POPDC2: variants seen among roughly 807,000 people sequenced by gnomAD.
The protein encoded by POPDC2 is popeye domain cAMP effector 2, also known as popeye domain-containing protein 2.
POPDC2 carries 24 observed loss-of-function variants against 30.5 expected under a neutral mutation model. That is an observed-to-expected ratio of 0.79 (90% confidence interval 0.57 to 1.11). The LOEUF is 1.11. POPDC2 is among the 50% of genes least tolerant of loss of function. The pLI is 0.00. For missense variants in POPDC2, 409 were observed against 447.0 expected (o/e 0.91, Z 0.77); for synonymous variants, 185 against 183.3 (o/e 1.01, Z -0.07).
At chr3:119,658,888 G>T (rs1219041778) in intron 1 of POPDC2, among the ~76,000 whole-genome samples, 8 of 148,156 alleles carry the variant, frequency 5.4e-5, no homozygotes, top group African/African-American at 2.0e-4. Context: ...TTTCTCCATT[G>T]TGTGGTTGGC....
chr3:119,654,997 T>C (rs1282841033), intron 1 of POPDC2, among the ~76,000 whole-genome samples: 1 of 152,164 alleles, frequency 6.6e-6, no homozygotes, highest in Non-Finnish European at 1.5e-5. Context: ...CCCCAGTGAT[T>C]CTAATGTGTA....
At position 119,660,142 on chromosome 3, in the gene POPDC2, G is replaced by A; in HGVS notation, c.282C>T (p.His94=). 2 of 1,614,182 alleles carry A rather than the reference G, an allele frequency of 1.2e-6. No homozygotes were observed. Among genetic ancestry groups the A allele is most frequent in the Non-Finnish European group, 1.7e-6 (2 of 1,180,032 alleles). Residue 94 remains histidine, a synonymous_variant, in exon 1 of 4, where the codon CAC becomes CAT. Coordinates refer to ENST00000493094, the MANE Select transcript of POPDC2 (RefSeq NM_001369919.2). The part of the protein sequence containing the change: ...LAVVCLLQLA[H]LVYRLREDTL... ...TGTCCTCACGCAGGCGGTATACCAGGTGTGCCAGCTGGAGCAGGCAGACCA... is the reference window on the plus strand; with the variant it reads ...TGTCCTCACGCAGGCGGTATACCAGATGTGCCAGCTGGAGCAGGCAGACCA...
chr3:119,653,808 C>T (rs1445773031), intron 2 of POPDC2, among the ~76,000 whole-genome samples: 12 of 152,154 alleles, frequency 7.9e-5, no homozygotes, highest in Admixed American at 7.9e-4. Flanking sequence ...TGCTGTGCTC[C>T]AGGTACTTTC....
At chr3:119,654,408 C>T (rs1044754259) in intron 2 of POPDC2, 97 bp downstream of exon 2, 17 of 831,120 alleles carry the variant, frequency 2.0e-5, no homozygotes, top group African/African-American at 1.7e-4. Flanking sequence ...GGCAGGGGTG[C>T]GAAGGACAGA....
intron 2 of POPDC2, among the ~76,000 whole-genome samples, chr3:119,649,658 A>C (rs1452833457): frequency 6.6e-6 from 1 of 152,224 alleles, no homozygotes; most frequent in African/African-American, 2.4e-5. Context: ...TGATGTTAGC[A>C]GCTAATATTT....
Position 119,660,441 on chromosome 3 carries a change from G to C in POPDC2, c.-18C>G. On this transcript the variant is annotated 5_prime_UTR_variant, in exon 1 of 4. Transcript: ENST00000493094. ...GCGCTCATCTTTGGGGCCTCTCAAA[G>C]CCTCACTGGGCTCTAATACTGTCCT... is the stretch of plus-strand genomic sequence containing the variant. 6.2e-7 allele frequency: 1 copy of C among 1,601,922 alleles called. No homozygotes were observed. The highest frequency in any genetic ancestry group is 8.5e-7 in the Non-Finnish European group (1 of 1,173,190).
At chr3:119,646,407 G>A (rs2052746898) in intron 3 of POPDC2, among the ~76,000 whole-genome samples, 1 of 152,124 alleles carries the variant, frequency 6.6e-6, no homozygotes, top group Admixed American at 6.5e-5. Context: ...AAGGCAGGAG[G>A]ATTATTTGAG....
In POPDC2 at chr3:119,653,351, T is replaced by C. The variant is rs554287330; in HGVS notation, c.600+1154A>G. Among the ~76,000 whole-genome samples the C allele has an allele frequency of 5.5e-3, 832 of 152,272 alleles. 5 individuals carry two copies. Among genetic ancestry groups the C allele is most frequent in the Non-Finnish European group, 7.2e-3 (490 of 68,012 alleles). On this transcript the variant is annotated intron_variant, in intron 2 of 3. Coordinates refer to ENST00000493094, the MANE Select transcript of POPDC2 (RefSeq NM_001369919.2). The stretch of plus-strand genomic sequence containing the variant: ...AGCTACAAAGAAAGTGACCAAAGCC[T>C]GAGGGATTGGCAGAGATAAGAAGAG...
intron 1 of POPDC2, among the ~76,000 whole-genome samples, chr3:119,655,939 A>G (rs577683525): frequency 6.6e-6 from 1 of 152,158 alleles, no homozygotes; most frequent in African/African-American, 2.4e-5. Context: ...GATCCCATGC[A>G]CCCTATCCAG....
rs756790161 is a variant in POPDC2 at position 119,654,508 on chromosome 3, G to A, written c.597C>T (p.Phe199=). 9 of 1,608,786 alleles carry A rather than the reference G, an allele frequency of 5.6e-6. No homozygotes were observed. The highest frequency in any genetic ancestry group is 3.3e-5 in the South Asian group (3 of 90,968). Residue 199 remains phenylalanine (F), a synonymous_variant, in exon 2 of 4, where the codon TTC becomes TTT. Coordinates refer to ENST00000493094, the MANE Select transcript of POPDC2 (RefSeq NM_001369919.2). The stretch of plus-strand genomic sequence containing the variant: ...CTGCCACCAGGCTCCCTGTTACCTG[G>A]AACACCCCCTCCTCAGAAGGCTGTA... ...ESLQPSEEGV[F]QVTLTAETSC...
At chr3:119,658,544 C>T (rs2052904036) in intron 1 of POPDC2, among the ~76,000 whole-genome samples, 1 of 152,224 alleles carries the variant, frequency 6.6e-6, no homozygotes, top group Admixed American at 6.5e-5. Flanking sequence ...GCTATAACAT[C>T]ATGGGTCTCA....
Position 119,648,818 on chromosome 3 carries a change from G to T in POPDC2, c.601-150C>A, listed in dbSNP as rs79649835. 4.4e-4 allele frequency: 300 copies of T among 687,252 alleles called. 1 individual carries two copies. In the African/African-American group the frequency reaches 5.0e-3, roughly 12 times the overall value. The allele number at this position is 687,252 out of a possible 1,614,324, so 42.6% of individuals were successfully genotyped here. A position where few individuals can be genotyped will look rare whatever the true frequency, so the allele number is the denominator to read the frequency against. The stretch of plus-strand genomic sequence containing the variant: ...CCCTCTATGGCCTTGCCTGGAGGAG[G>T]TCTAGTGGATGACTTTCACTTGTGT... On this transcript the variant is annotated intron_variant, in intron 2 of 3. Transcript: ENST00000493094.
At chr3:119,647,586 C>T (rs1031593820) in intron 3 of POPDC2, among the ~76,000 whole-genome samples, 6 of 152,220 alleles carry the variant, frequency 3.9e-5, no homozygotes, top group African/African-American at 1.4e-4. Context: ...ACATTCTCCA[C>T]TGGGTGAGAG....
Position 119,660,481 on chromosome 3 carries a change from A to C in POPDC2, c.-58T>G. 1 of 1,538,538 alleles carries C rather than the reference A, an allele frequency of 6.5e-7. No homozygotes were observed. The highest frequency in any genetic ancestry group is 1.3e-5 in the South Asian group (1 of 79,822). On this transcript the variant is annotated 5_prime_UTR_variant, in exon 1 of 4. The change abolishes the stop of an existing upstream ORF in the 5' untranslated region. Transcript: ENST00000493094. ...AATACTGTCCTCACATAGGAAATTC[A>C]GAAAATGAATGAATCCATCCGCTCA...
chr3:119,659,763 G>A (rs762676227), intron 1 of POPDC2, among the ~76,000 whole-genome samples, 170 bp downstream of exon 1: 30 of 152,172 alleles, frequency 2.0e-4, no homozygotes, highest in Non-Finnish European at 3.8e-4. Context: ...GAAAGAGGAA[G>A]CAACCCCACT....
At chr3:119,659,787 A>C in intron 1 of POPDC2, 146 bp downstream of exon 1, 1 of 1,053,402 alleles carries the variant, frequency 9.5e-7, no homozygotes, top group Non-Finnish European at 1.4e-6. Flanking sequence ...AGAAAAATCT[A>C]TTTTGGTTTG....
intron 2 of POPDC2, among the ~76,000 whole-genome samples, chr3:119,649,603 A>T (rs1210443763): frequency 1.3e-5 from 2 of 152,186 alleles, no homozygotes; most frequent in Non-Finnish European, 2.9e-5. Flanking sequence ...GGCAGAGTTC[A>T]TGATATATTT....
Position 119,642,486 on chromosome 3 carries a change from G to C in POPDC2, c.*119C>G, listed in dbSNP as rs143015321. The C allele has an allele frequency of 1.2e-5, 20 of 1,609,336 alleles. No individual in the cohort carries two copies. The highest frequency in any genetic ancestry group is 2.7e-5 in the African/African-American group (2 of 74,936). On this transcript the variant is annotated 3_prime_UTR_variant, in exon 4 of 4. Transcript: ENST00000493094. ...ATAGTCCAATGATCCTTAAAGTTCA[G>C]GCGTGTGGGTTGGAGCCAAAGGGGC... is the stretch of plus-strand genomic sequence containing the variant.
intron 3 of POPDC2, among the ~76,000 whole-genome samples, chr3:119,647,051 T>G (rs898373528): frequency 1.3e-5 from 2 of 152,216 alleles, no homozygotes; most frequent in African/African-American, 4.8e-5. Context: ...AAATTCCATA[T>G]CTACAAAACT....
Sources: gnomAD v4.1 joint callset for allele counts (sites outside exome capture counted in the v4.1 genomes callset) on GRCh38, gnomAD v4.1.1 for gene constraint, MANE v1.5 for transcripts, NCBI Gene and HGNC (gene_info 2026-07-23, HGNC 2026-07-21) for gene names.